Variants in PLAAT5 observed in about 807,000 individuals in gnomAD.
PLAAT5 encodes Ca(2+)-independent N-acyltransferase.
A neutral mutation model predicts 27.8 loss-of-function variants in PLAAT5; 27 were observed. The ratio of observed to expected loss-of-function variants is 0.97; its 90% CI spans 0.72 to 1.34. PLAAT5 has a LOEUF of 1.34. PLAAT5 is among the 40% of genes most tolerant of loss of function. PLAAT5 has a pLI of 0.00. For missense variants in PLAAT5, 368 were observed against 343.8 expected (o/e 1.07, Z -0.56); for synonymous variants, 125 against 136.1 (o/e 0.92, Z 0.57).
Position 63,491,039 on chromosome 11 carries a change from C to G in PLAAT5, c.-5G>C. 1 of 1,431,716 alleles carries G rather than the reference C, an allele frequency of 7.0e-7. No homozygotes were observed. Among genetic ancestry groups the G allele is most frequent in the Non-Finnish European group, 9.1e-7 (1 of 1,094,126 alleles). The allele number at this position is 1,431,716 out of a possible 1,614,324, so 88.7% of individuals were successfully genotyped here. On this transcript the variant is annotated 5_prime_UTR_variant, in exon 1 of 6. Transcript: ENST00000540857. ...GGCGCCCGGGCTCAGGCCCATCCCGCCTCTGCGGCCTCGCCGGCCCCCAGG... is the reference window on the plus strand; with the variant it reads ...GGCGCCCGGGCTCAGGCCCATCCCGGCTCTGCGGCCTCGCCGGCCCCCAGG...
intron 3 of PLAAT5, among the ~76,000 whole-genome samples, chr11:63,478,705 T>A (rs1024654445): frequency 6.6e-6 from 1 of 152,276 alleles, no homozygotes; most frequent in African/African-American, 2.4e-5. Context: ...CAATTTTGTC[T>A]GGCTTCATAA....
Position 63,465,650 on chromosome 11 carries a change from T to A in PLAAT5, c.717+460A>T, listed in dbSNP as rs7932007. ...AACAAAAAAATTAAAATTAACTGGG[T>A]GTGGTGATGCACACCTGAAGTCCCA... is the stretch of plus-strand genomic sequence containing the variant. On this transcript the variant is annotated intron_variant, in intron 5 of 5. Transcript: ENST00000540857. Among the ~76,000 whole-genome samples the A allele has an allele frequency of 8.2e-3, 1,249 of 151,792 alleles. 24 individuals carry two copies. The highest frequency in any genetic ancestry group is 0.028 in the African/African-American group (1,162 of 41,336).
In PLAAT5 at chr11:63,490,944, T is replaced by G. The variant is rs10897424; in HGVS notation, c.91A>C (p.Ser31Arg). Residue 31 changes from serine to arginine, a missense_variant, in exon 1 of 6, where the codon AGT (serine) becomes CGT (arginine). Transcript: ENST00000540857. The part of the protein sequence containing the change: ...PLPKPASRTA[S>R]TGPKDQPPAL... ...GGCGGCTGGTCCTTGGGCCCGGTACTGGCGGTTCGCGAGGCGGGTTTGGGG... is the reference window on the plus strand; with the variant it reads ...GGCGGCTGGTCCTTGGGCCCGGTACGGGCGGTTCGCGAGGCGGGTTTGGGG... 1 of 1,599,644 alleles carries G rather than the reference T, an allele frequency of 6.3e-7. No homozygotes were observed. Among genetic ancestry groups the G allele is most frequent in the Non-Finnish European group, 8.5e-7 (1 of 1,173,602 alleles).
chr11:63,490,857 T>G, intron 1 of PLAAT5, 30 bp downstream of exon 1: 3 of 1,578,542 alleles, frequency 1.9e-6, no homozygotes, highest in Non-Finnish European at 2.6e-6. Context: ...CAATTGCGGA[T>G]TGTCCTTCAG....
chr11:63,466,866 C>T (rs2015880063), intron 4 of PLAAT5, among the ~76,000 whole-genome samples: 1 of 152,206 alleles, frequency 6.6e-6, no homozygotes, highest in African/African-American at 2.4e-5. Flanking sequence ...GGCACCTGCT[C>T]CTGCCAGCTT....
At chr11:63,468,611 C>T (rs181068284) in intron 3 of PLAAT5, 146 bp from the exon 4 acceptor site, 623 of 625,026 alleles carry the variant, frequency 1.0e-3, no homozygotes, top group Non-Finnish European at 1.5e-3. Flanking sequence ...TTTCTCTTCA[C>T]ACTGAGGACC....
In PLAAT5 at chr11:63,487,987, T is replaced by C. The variant is rs186449291; in HGVS notation, c.345+884A>G. On this transcript the variant is annotated intron_variant, in intron 3 of 5. Transcript: ENST00000540857. Reference sequence around the variant, plus strand: ...AGTGAAACCCCGTCTCTACCAAAAATACAAAAAATTAGCCGGGCATGGTGG... The same window carrying C: ...AGTGAAACCCCGTCTCTACCAAAAACACAAAAAATTAGCCGGGCATGGTGG... Among the ~76,000 whole-genome samples, 3 of 151,970 alleles carry C rather than the reference T, an allele frequency of 2.0e-5. No homozygotes were observed. In the East Asian group the frequency reaches 5.8e-4, roughly 29 times the overall value.
In PLAAT5 at chr11:63,462,538, G is replaced by A. The variant is rs1372145632; in HGVS notation, c.*965C>T. The A allele has an allele frequency of 6.6e-6, 1 of 152,170 alleles. No homozygotes were observed. Among genetic ancestry groups the A allele is most frequent in the Non-Finnish European group, 1.5e-5 (1 of 68,036 alleles). The allele number at this position is 152,170 out of a possible 1,614,324, so 9.4% of individuals were successfully genotyped here. A position where few individuals can be genotyped will look rare whatever the true frequency, so the allele number is the denominator to read the frequency against. ...ATGGAGATACCAACAGACCTTATCT[G>A]AAACACTCTGAGGGTTCCATCTTGC... is the stretch of plus-strand genomic sequence containing the variant. On this transcript the variant is annotated 3_prime_UTR_variant, in exon 6 of 6. Transcript: ENST00000540857.
rs371766516 is a variant in PLAAT5, at chr11:63,463,481, C to G, written c.*22G>C. On this transcript the variant is annotated 3_prime_UTR_variant, in exon 6 of 6. Coordinates refer to ENST00000540857, the MANE Select transcript of PLAAT5 (RefSeq NM_001146729.2). ...TTTGCTTGTGTCAGTAACTCTTCCT[C>G]TAGCTGGAGTTTTCATCACCTTCAG... The G allele has an allele frequency of 1.9e-6, 3 of 1,577,982 alleles. No individual in the cohort carries two copies. In the African/African-American group the frequency reaches 4.0e-5, roughly 21 times the overall value.
intron 3 of PLAAT5, among the ~76,000 whole-genome samples, chr11:63,484,694 T>C (rs1481630106): frequency 2.6e-5 from 4 of 152,078 alleles, no homozygotes; most frequent in Admixed American, 6.6e-5. Context: ...ATTATAGTGA[T>C]TGGGGAAAAG....
intron 3 of PLAAT5, among the ~76,000 whole-genome samples, chr11:63,472,577 G>T (rs896743452): frequency 6.6e-6 from 1 of 152,066 alleles, no homozygotes; most frequent in Non-Finnish European, 1.5e-5. Context: ...CAGATATTTC[G>T]CAATCCACAA....
At chr11:63,489,936 CATT>C (rs2016521089) in intron 2 of PLAAT5, among the ~76,000 whole-genome samples, 1 of 152,340 alleles carries the variant, frequency 6.6e-6, no homozygotes, top group Middle Eastern at 3.4e-3. Context: ...AAGGCCGACT[CATT>C]GTTCACTGAT....
At chr11:63,490,680 A>G in intron 1 of PLAAT5, 2 of 619,408 alleles carry the variant, frequency 3.2e-6, no homozygotes, top group Non-Finnish European at 5.6e-6. Flanking sequence ...TCACTTCCAT[A>G]TGAGATATAG....
At chr11:63,469,629 G>T in intron 3 of PLAAT5, 1 of 213,710 alleles carries the variant, frequency 4.7e-6, no homozygotes, top group Non-Finnish European at 1.1e-5. Flanking sequence ...GTGCACAAAG[G>T]AGGTCATAAT....
intron 3 of PLAAT5, among the ~76,000 whole-genome samples, chr11:63,473,706 G>GTTTTTTTTTTTTTT (rs201090137): frequency 8.5e-6 from 1 of 117,684 alleles, no homozygotes; most frequent in Non-Finnish European, 1.9e-5. Context: ...TTTTTTTGTT[G>GTTTTTTTTTTTTTT]TTTTTTTTTT....
chr11:63,488,675 G>GT (rs35614311), intron 3 of PLAAT5, among the ~76,000 whole-genome samples, 196 bp downstream of exon 3: 4,767 of 141,626 alleles, frequency 0.034, 142 homozygotes, highest in African/African-American at 0.077. Context: ...TTTTTTGTGG[G>GT]TTTTTTTTTT....
chr11:63,483,307 T>C (rs1280714072), intron 3 of PLAAT5, among the ~76,000 whole-genome samples: 1 of 152,164 alleles, frequency 6.6e-6, no homozygotes, highest in Non-Finnish European at 1.5e-5. Flanking sequence ...AAAATATACA[T>C]TCTTTTCATC....
At chr11:63,490,714 G>T (rs2016543476) in intron 1 of PLAAT5, among the ~76,000 whole-genome samples, 173 bp downstream of exon 1, 1 of 152,192 alleles carries the variant, frequency 6.6e-6, no homozygotes, top group South Asian at 2.1e-4. Context: ...GTGGCTGCCT[G>T]GCTCGCTTTG....
chr11:63,479,772 T>C (rs2016240265), intron 3 of PLAAT5, among the ~76,000 whole-genome samples: 1 of 152,164 alleles, frequency 6.6e-6, no homozygotes, highest in South Asian at 2.1e-4. Flanking sequence ...GAAATGCCCA[T>C]GGACAAAAGA....
Sources: gnomAD v4.1 joint callset for allele counts (sites outside exome capture counted in the v4.1 genomes callset) on GRCh38, gnomAD v4.1.1 for gene constraint, MANE v1.5 for transcripts, NCBI Gene and HGNC (gene_info 2026-07-23, HGNC 2026-07-21) for gene names.